CNTN5: variants seen among roughly 807,000 people sequenced by gnomAD.
The protein encoded by CNTN5 is contactin-5.
CNTN5 carries 77 observed loss-of-function variants against 129.1 expected under a neutral mutation model. The observed-to-expected ratio is 0.60, with a 90% CI of 0.50 to 0.72. CNTN5 has a LOEUF of 0.72. CNTN5 is among the 30% of genes least tolerant of loss of function. CNTN5 has a pLI of 0.00. For synonymous variants in CNTN5, 509 were observed against 465.6 expected, an observed-to-expected ratio of 1.09 and a Z score of -1.20; for missense variants, 1,478 against 1,328.8, an observed-to-expected ratio of 1.11 and a Z score of -1.75.
intron 2 of CNTN5, among the ~76,000 whole-genome samples, chr11:99,504,954 A>G (rs922884483): frequency 1.3e-5 from 2 of 152,208 alleles, no homozygotes; most frequent in African/African-American, 4.8e-5. Context: ...CAGGGGAAAG[A>G]GGCAAGCAGA....
At chr11:99,238,336 G>C (rs894667519) in intron 1 of CNTN5, among the ~76,000 whole-genome samples, 1 of 152,144 alleles carries the variant, frequency 6.6e-6, no homozygotes, top group Non-Finnish European at 1.5e-5. Context: ...GTTTGACCTT[G>C]ATTTTTAAAT....
intron 2 of CNTN5, among the ~76,000 whole-genome samples, chr11:99,541,843 G>A (rs535563322): frequency 1.1e-4 from 17 of 151,622 alleles, no homozygotes; most frequent in African/African-American, 4.1e-4. Flanking sequence ...TAGCTACTCC[G>A]GAGACTGAGG....
At chr11:99,742,744 C>T (rs1246232477) in intron 3 of CNTN5, among the ~76,000 whole-genome samples, 3 of 152,168 alleles carry the variant, frequency 2.0e-5, no homozygotes, top group Non-Finnish European at 4.4e-5. Flanking sequence ...TCCTGCCTAG[C>T]GTTCCTTCTA....
At chr11:99,919,647 A>G (rs566721116) in intron 7 of CNTN5, among the ~76,000 whole-genome samples, 21 of 152,196 alleles carry the variant, frequency 1.4e-4, no homozygotes, top group South Asian at 6.2e-4. Flanking sequence ...GTACAGTTCA[A>G]TGAGTTTTGG....
At chr11:99,613,259 G>T (rs1299945640) in intron 3 of CNTN5, among the ~76,000 whole-genome samples, 3 of 152,196 alleles carry the variant, frequency 2.0e-5, no homozygotes, top group African/African-American at 7.2e-5. Context: ...TCCCCGTGCT[G>T]TTCTCTGCCA....
intron 1 of CNTN5, among the ~76,000 whole-genome samples, chr11:99,279,715 T>C (rs912509375): frequency 1.3e-5 from 2 of 151,716 alleles, no homozygotes; most frequent in African/African-American, 4.8e-5. Context: ...ATTTTTTACA[T>C]TGCTTGATTA....
intron 3 of CNTN5, among the ~76,000 whole-genome samples, chr11:99,815,325 T>G (rs187979393): frequency 6.6e-6 from 1 of 151,132 alleles, no homozygotes; most frequent in East Asian, 1.9e-4. Context: ...TTATTTATGC[T>G]AATATATTTT....
At chr11:100,339,458 G>A (rs146175158) in intron 21 of CNTN5, among the ~76,000 whole-genome samples, 26 of 152,246 alleles carry the variant, frequency 1.7e-4, no homozygotes, top group Middle Eastern at 3.4e-3. Context: ...CTGACTGATA[G>A]TGGGATGTTT....
At chr11:99,832,436 GACTTTA>G (rs142684364) in intron 4 of CNTN5, among the ~76,000 whole-genome samples, 7,822 of 152,148 alleles carry the variant, frequency 0.051, 264 homozygotes, top group Middle Eastern at 0.13. Context: ...AAACCTATTA[GACTTTA>G]ACTTATGTTG....
chr11:100,054,753 A>T (rs1287501288), intron 9 of CNTN5, among the ~76,000 whole-genome samples: 1 of 151,738 alleles, frequency 6.6e-6, no homozygotes, highest in Non-Finnish European at 1.5e-5. Context: ...CATAAAAAAG[A>T]AACCCTAGAA....
At chr11:99,329,682 G>C (rs923509879) in intron 2 of CNTN5, among the ~76,000 whole-genome samples, 4 of 152,106 alleles carry the variant, frequency 2.6e-5, no homozygotes, top group Non-Finnish European at 5.9e-5. Context: ...CATATGCTGA[G>C]TGTATTGAGG....
chr11:99,244,855 T>C (rs1861738245), intron 1 of CNTN5, among the ~76,000 whole-genome samples: 1 of 152,182 alleles, frequency 6.6e-6, no homozygotes. Context: ...CTCCTATTCC[T>C]TCCTGTGGAC....
At chr11:100,017,107 C>T (rs1940867212) in intron 9 of CNTN5, among the ~76,000 whole-genome samples, 1 of 151,894 alleles carries the variant, frequency 6.6e-6, no homozygotes, top group Non-Finnish European at 1.5e-5. Context: ...ATCTACATTA[C>T]AACTTTGAGA....
intron 3 of CNTN5, among the ~76,000 whole-genome samples, chr11:99,674,480 CTGTT>C (rs1179060031): frequency 1.3e-5 from 2 of 152,162 alleles, no homozygotes; most frequent in African/African-American, 4.8e-5. Context: ...GGCATTTCTT[CTGTT>C]TGTTTTTTAT....
At chr11:99,743,692 G>C (rs1321666205) in intron 3 of CNTN5, among the ~76,000 whole-genome samples, 6 of 152,080 alleles carry the variant, frequency 3.9e-5, no homozygotes, top group African/African-American at 1.4e-4. Flanking sequence ...AATACAGGTG[G>C]CCTCTTAGTA....
intron 2 of CNTN5, among the ~76,000 whole-genome samples, chr11:99,497,680 T>G (rs1946278035): frequency 6.6e-6 from 1 of 152,146 alleles, no homozygotes; most frequent in African/African-American, 2.4e-5. Context: ...AAATAAACTC[T>G]GCTAGATATT....
Position 100,330,015 on chromosome 11 carries a change from A to G in CNTN5, c.2731-10448A>G, listed in dbSNP as rs143245917. 1.8e-3 allele frequency among the ~76,000 whole-genome samples: 267 copies of G among 152,328 alleles called. No individual in the cohort carries two copies. The Middle Eastern group carries it at 0.027, about 16-fold the overall frequency. On this transcript the variant is annotated intron_variant, in intron 21 of 24. Coordinates refer to ENST00000524871, the MANE Select transcript of CNTN5 (RefSeq NM_014361.4). ...GCCACAAAAAGAATTCAGAAGGTCA[A>G]TTACTAAGACAATCAAGGAGGCACC...
At chr11:99,288,243 T>C (rs1456028658) in intron 1 of CNTN5, among the ~76,000 whole-genome samples, 1 of 151,904 alleles carries the variant, frequency 6.6e-6, no homozygotes, top group Non-Finnish European at 1.5e-5. Flanking sequence ...AAGATTATAT[T>C]ATCATTAAAG....
chr11:99,704,570 T>G lies in CNTN5; in HGVS notation c.56-114974T>G, dbSNP rs1467895651. Among the ~76,000 whole-genome samples, 9 of 151,194 alleles carry G rather than the reference T, an allele frequency of 6.0e-5. No individual in the cohort carries two copies. In the Admixed American group the frequency reaches 6.0e-4, roughly 10 times the overall value. On this transcript the variant is annotated intron_variant, in intron 3 of 24. Transcript: ENST00000524871. ...TAATAAAGATTCTAAATGTGTGTAA[T>G]AAGTTTATTATAATACAAAAAAGAG... is the stretch of plus-strand genomic sequence containing the variant.
Sources: allele counts gnomAD v4.1 joint callset (sites outside exome capture counted in the v4.1 genomes callset), GRCh38; gene constraint gnomAD v4.1.1; transcripts MANE v1.5; gene names NCBI Gene and HGNC (gene_info 2026-07-23, HGNC 2026-07-21).